ITGAX: variants seen among roughly 807,000 people sequenced by gnomAD.
ITGAX encodes integrin alpha-X.
A neutral mutation model predicts 140.2 loss-of-function variants in ITGAX; 99 were observed. The ratio of observed to expected loss-of-function variants is 0.71; its 90% confidence interval spans 0.60 to 0.83. The LOEUF (loss-of-function observed/expected upper bound fraction) is 0.83. ITGAX is among the 40% of genes least tolerant of loss of function. The pLI, the probability that ITGAX is intolerant of heterozygous loss-of-function variation, is 0.00. For missense variants in ITGAX, 1,444 were observed against 1,482.0 expected, an observed-to-expected ratio of 0.97 and a Z score of 0.42; for synonymous variants, 631 against 600.4, an observed-to-expected ratio of 1.05 and a Z score of -0.75.
At chr16:31,370,352 GA>G (rs1286562236) in intron 14 of ITGAX, among the ~76,000 whole-genome samples, 4 of 152,204 alleles carry the variant, frequency 2.6e-5, no homozygotes, top group Non-Finnish European at 5.9e-5. Flanking sequence ...CACTGGGAAT[GA>G]AGGTGATAGG....
rs746513674 is a variant in ITGAX, at chr16:31,372,647, C to T, written c.2343C>T (p.Leu781=). The T allele has an allele frequency of 1.7e-5, 27 of 1,613,984 alleles. No individual in the cohort carries two copies. The highest frequency in any genetic ancestry group is 1.1e-4 in the East Asian group (5 of 44,888). ...CCGACCATATCTGCCAGGACAATCT[C>T]GGCATCTCCTTCAGCTTCCCAGGGT... ...CGADHICQDN[L]GISFSFPGLK... is the part of the protein sequence containing the mutation. The change falls in exon 19 of 30, where the codon CTC becomes CTT. Residue 781 remains leucine (L), a synonymous_variant. Transcript: ENST00000268296.
chr16:31,377,313 C>T (rs755887110), intron 23 of ITGAX, 48 bp downstream of exon 23: 2 of 976,086 alleles, frequency 2.0e-6, no homozygotes, highest in East Asian at 3.3e-5. Context: ...TCTCTGACCT[C>T]AAAAAGAAAA....
Position 31,370,951 on chromosome 16 carries a change from C to G in ITGAX, c.1711-133C>G, listed in dbSNP as rs1597075785. On this transcript the variant is annotated intron_variant, in intron 14 of 29. Coordinates refer to ENST00000268296, the MANE Select transcript of ITGAX (RefSeq NM_000887.5). ...TCCTACCTCCTCTTTTCAGGTTCTT[C>G]TTGGTGACATCTGTTCACAACTCAC... The G allele has an allele frequency of 7.3e-6, 8 of 1,102,458 alleles. No individual in the cohort carries two copies. In the East Asian group the frequency reaches 1.4e-4, roughly 20 times the overall value. 68.3% of individuals were successfully genotyped at this position (1,102,458 alleles called of 1,614,324 possible). A position where few individuals can be genotyped will look rare whatever the true frequency, so the allele number is the denominator to read the frequency against.
In ITGAX at chr16:31,380,014, C is replaced by A; in HGVS notation, c.3009C>A (p.Ile1003=). The change falls in exon 26 of 30, where the codon ATC becomes ATA. Residue 1003 remains isoleucine (I), a synonymous_variant. Coordinates refer to ENST00000268296, the MANE Select transcript of ITGAX (RefSeq NM_000887.5). ...NPSLRCSSEK[I]APPASDFLAH... ...CCCTTCGGTGCTCCTCAGAGAAAAT[C>A]GCACCCCCAGCATCTGACTTCCTGG... The A allele has an allele frequency of 6.2e-7, 1 of 1,614,152 alleles. No homozygotes were observed. The highest frequency in any genetic ancestry group is 8.5e-7 in the Non-Finnish European group (1 of 1,180,002).
At chr16:31,373,157 T>C (rs1275069710) in intron 19 of ITGAX, 92 bp from the exon 20 acceptor site, 1 of 789,552 alleles carries the variant, frequency 1.3e-6, no homozygotes. Flanking sequence ...CCCCTGTCTA[T>C]CTCCCAAATC....
At position 31,357,079 on chromosome 16, in the gene ITGAX, C is replaced by T. The variant is rs1423666151; in HGVS notation, c.296C>T (p.Thr99Ile). 1 of 1,609,542 alleles carries T rather than the reference C, an allele frequency of 6.2e-7. No homozygotes were observed. ...NMSLGLSLAS[T>I]TSPSQLLACG... ...TCCCTGGGCCTGTCCCTGGCGTCTA[C>T]CACCAGCCCTTCCCAGCTGCTGGTG... Residue 99 changes from threonine (T) to isoleucine (I), a missense_variant, in exon 4 of 30, where the codon ACC becomes ATC. Coordinates refer to ENST00000268296, the MANE Select transcript of ITGAX (RefSeq NM_000887.5).
chr16:31,380,916 A>C lies in ITGAX; in HGVS notation c.3296A>C (p.Lys1099Thr). Residue 1099 changes from lysine (K) to threonine (T), a missense_variant, in exon 29 of 30, where the codon AAG (lysine) becomes ACG (threonine). Lys to Thr is a moderately conservative substitution (Grantham distance 78, BLOSUM62 -1). Transcript: ENST00000268296. ...MRAQTTTVLE[K>T]YKVHNPTPLI... ...CTTCAGACGACAACGGTGCTGGAGA[A>C]GTACAAGGTCCACAACCCCACCCCC... 6.2e-7 allele frequency: 1 copy of C among 1,614,126 alleles called. No homozygotes were observed. Among genetic ancestry groups the C allele is most frequent in the Non-Finnish European group, 8.5e-7 (1 of 1,180,008 alleles).
chr16:31,378,936 C>G (rs954896347), intron 23 of ITGAX, among the ~76,000 whole-genome samples: 1 of 152,092 alleles, frequency 6.6e-6, no homozygotes, highest in African/African-American at 2.4e-5. Flanking sequence ...GTGCCTCAGC[C>G]TCCCAAGTAG....
In ITGAX at chr16:31,357,095, G is replaced by T; in HGVS notation, c.312G>T (p.Gln104His). 1 of 1,606,048 alleles carries T rather than the reference G, an allele frequency of 6.2e-7. No homozygotes were observed. The change falls in exon 4 of 30, where the codon CAG (glutamine) becomes CAT (histidine). Residue 104 changes from glutamine (Q) to histidine (H), a missense_variant. By Grantham distance (24) the Gln-to-His change is conservative. Coordinates refer to ENST00000268296, the MANE Select transcript of ITGAX (RefSeq NM_000887.5). ...LSLASTTSPS[Q>H]LLACGPTVHH... Reference sequence around the variant, plus strand: ...TGGCGTCTACCACCAGCCCTTCCCAGCTGCTGGTGAGTGGCCCTGGGTCAC... The same window carrying T: ...TGGCGTCTACCACCAGCCCTTCCCATCTGCTGGTGAGTGGCCCTGGGTCAC...
At chr16:31,363,132 C>T (rs377119705) in intron 13 of ITGAX, 33 bp from the exon 14 acceptor site, 67 of 1,606,032 alleles carry the variant, frequency 4.2e-5, no homozygotes, top group Middle Eastern at 3.5e-4. Context: ...AGGGGTTGCC[C>T]GGGTTGGGCC....
chr16:31,373,597 G>A (rs2080993726), intron 20 of ITGAX, among the ~76,000 whole-genome samples: 1 of 152,182 alleles, frequency 6.6e-6, no homozygotes, highest in African/African-American at 2.4e-5. Context: ...GGAGACAGAG[G>A]GGAACCTGCC....
At chr16:31,367,947 T>C (rs1296833845) in intron 14 of ITGAX, among the ~76,000 whole-genome samples, 1 of 152,182 alleles carries the variant, frequency 6.6e-6, no homozygotes, top group African/African-American at 2.4e-5. Flanking sequence ...GGGGTCAAAA[T>C]ATCAACATTA....
chr16:31,356,982 G>C, intron 3 of ITGAX, 49 bp from the exon 4 acceptor site: 1 of 1,507,446 alleles, frequency 6.6e-7, no homozygotes, highest in Non-Finnish European at 9.0e-7. Context: ...CTCTTCCACA[G>C]CCTTCTCTGT....
At chr16:31,379,668 G>A in intron 24 of ITGAX, 22 bp downstream of exon 24, 1 of 1,569,800 alleles carries the variant, frequency 6.4e-7, no homozygotes, top group Non-Finnish European at 8.6e-7. Flanking sequence ...AGACGCAGGA[G>A]ACTGGGCTGG....
intron 17 of ITGAX, 128 bp downstream of exon 17, chr16:31,371,912 G>A: frequency 9.0e-7 from 1 of 1,111,858 alleles, no homozygotes; most frequent in Non-Finnish European, 1.3e-6. Context: ...TGCAGGACGT[G>A]CTTACTGCAC....
chr16:31,363,478 G>T (rs1285864005), intron 14 of ITGAX, 104 bp downstream of exon 14: 1 of 1,318,438 alleles, frequency 7.6e-7, no homozygotes. Flanking sequence ...TACCTCCCTT[G>T]CCCAGCTCTG....
rs1269348379 is a variant in ITGAX, at chr16:31,363,216, T to C, written c.1552T>C (p.Trp518Arg). Reference sequence around the variant, plus strand: ...TCTCTACGGGGAGCAGGGCCACCCCTGGGGTCGCTTTGGGGCGGCTCTGAC... The same window carrying C: ...TCTCTACGGGGAGCAGGGCCACCCCCGGGGTCGCTTTGGGGCGGCTCTGAC... ...AVLYGEQGHP[W>R]GRFGAALTVL... Residue 518 changes from tryptophan (W) to arginine (R), a missense_variant, in exon 14 of 30, where the codon TGG (tryptophan) becomes CGG (arginine). Transcript: ENST00000268296. 1.2e-6 allele frequency: 2 copies of C among 1,612,950 alleles called. No individual in the cohort carries two copies. Among genetic ancestry groups the C allele is most frequent in the Non-Finnish European group, 1.7e-6 (2 of 1,179,598 alleles).
At chr16:31,361,812 C>T (rs1369178860) in intron 9 of ITGAX, 24 bp from the exon 10 acceptor site, 2 of 1,613,432 alleles carry the variant, frequency 1.2e-6, no homozygotes, top group South Asian at 2.2e-5. Context: ...CTCCCTGGCA[C>T]TCAAGCGTCA....
rs1283246061 is a variant in ITGAX at position 31,381,894 on chromosome 16, C to A, written c.3479C>A (p.Pro1160His). The change falls in exon 30 of 30, where the codon CCC (proline) becomes CAC (histidine). Residue 1160 changes from proline to histidine, a missense_variant. By Grantham distance (77) the Pro-to-His change is moderately conservative. Transcript: ENST00000268296. ...PENGTQTPSP[P>H]SEK ...AACGGGACACAGACCCCCAGCCCGC[C>A]CAGTGAGAAATGATCCCCTCTTTGC... is the stretch of plus-strand genomic sequence containing the variant. The A allele has an allele frequency of 3.3e-6, 3 of 905,140 alleles. No individual in the cohort carries two copies. In the South Asian group the frequency reaches 3.9e-5, roughly 12 times the overall value. The allele number at this position is 905,140 out of a possible 1,614,324, so 56.1% of individuals were successfully genotyped here.
Sources: gnomAD v4.1 joint callset for allele counts (sites outside exome capture counted in the v4.1 genomes callset) on GRCh38, gnomAD v4.1.1 for gene constraint, MANE v1.5 for transcripts, NCBI Gene and HGNC (gene_info 2026-07-23, HGNC 2026-07-21) for gene names.